Variants in RB1 observed in about 807,000 individuals in gnomAD.
RB1 encodes the protein RB transcriptional corepressor 1.
In RB1, 18 loss-of-function variants were observed where a neutral mutation model predicts 135.4. That is an observed-to-expected ratio of 0.13 (90% CI 0.09 to 0.20). The LOEUF (loss-of-function observed/expected upper bound fraction) is 0.20. Among genes scored for constraint, RB1 ranks in the 10% least tolerant of loss-of-function variants. The probability of loss-of-function intolerance (pLI) is 1.00; values close to 1 mark genes in which losing one functional copy is unlikely to be tolerated. For missense variants in RB1, 868 were observed against 1,110.0 expected, an observed-to-expected ratio of 0.78 and a Z score of 3.10; for synonymous variants, 365 against 373.2, an observed-to-expected ratio of 0.98 and a Z score of 0.25.
At chr13:48,434,378 A>G (rs1365799243) in intron 17 of RB1, among the ~76,000 whole-genome samples, 1 of 152,172 alleles carries the variant, frequency 6.6e-6, no homozygotes, top group African/African-American at 2.4e-5. Context: ...TAACAGATAG[A>G]TTATTTCAAT....
At chr13:48,402,814 C>T (rs1948705214) in intron 17 of RB1, among the ~76,000 whole-genome samples, 2 of 151,772 alleles carry the variant, frequency 1.3e-5, no homozygotes, top group South Asian at 4.2e-4. Context: ...CTTATGAGAC[C>T]ACAACATAAA....
chr13:48,322,115 C>G (rs1952247396), intron 2 of RB1, among the ~76,000 whole-genome samples: 1 of 152,000 alleles, frequency 6.6e-6, no homozygotes, highest in South Asian at 2.1e-4. Flanking sequence ...GGTGACACCC[C>G]CTATTTTTTA....
intron 23 of RB1, among the ~76,000 whole-genome samples, chr13:48,465,996 TGCCCAG>T (rs1949440705): frequency 6.9e-6 from 1 of 145,352 alleles, no homozygotes; most frequent in Admixed American, 6.9e-5. Context: ...CGCCTGCCAT[TGCCCAG>T]GCTTGCTTAG....
intron 17 of RB1, chr13:48,412,923 A>G (rs1355989591): frequency 5.9e-6 from 1 of 169,482 alleles, no homozygotes; most frequent in Non-Finnish European, 1.4e-5. Context: ...AACATTCCCA[A>G]TTTGTCCCAT....
chr13:48,357,213 G>C (rs1413690395), intron 6 of RB1, among the ~76,000 whole-genome samples: 1 of 150,762 alleles, frequency 6.6e-6, no homozygotes, highest in African/African-American at 2.4e-5. Flanking sequence ...ATTGTATTTT[G>C]GGAACATTTT....
At chr13:48,453,186 A>G (rs1341385638) in intron 18 of RB1, 75 bp downstream of exon 18, 32 of 1,364,940 alleles carry the variant, frequency 2.3e-5, no homozygotes, top group Middle Eastern at 3.6e-4. Flanking sequence ...GTAACATTCT[A>G]TAAAGAAACT....
intron 17 of RB1, among the ~76,000 whole-genome samples, chr13:48,424,782 G>A (rs1228941583): frequency 1.3e-5 from 2 of 152,280 alleles, no homozygotes; most frequent in Non-Finnish European, 1.5e-5. Context: ...GCCATGTGTG[G>A]TGGCTCATGC....
In RB1 at chr13:48,473,304, T is replaced by C. The variant is rs1949483709; in HGVS notation, c.2490-56T>C. On this transcript the variant is annotated intron_variant, in intron 23 of 26. Transcript: ENST00000267163. ...AGAATGATGTATTTATGCTCATCTC[T>C]GCAAAATTGTATATGGTTTTTTATT... is the stretch of plus-strand genomic sequence containing the variant. 1 of 1,427,210 alleles carries C rather than the reference T, an allele frequency of 7.0e-7. No homozygotes were observed. Among genetic ancestry groups the C allele is most frequent in the Admixed American group, 1.7e-5 (1 of 59,292 alleles). 88.4% of individuals were successfully genotyped at this position (1,427,210 alleles called of 1,614,324 possible).
rs116498789 is a variant in RB1, at chr13:48,319,205, T to G, written c.264+11799T>G. 3,248 of 691,598 alleles carry G rather than the reference T, an allele frequency of 4.7e-3. 50 individuals are homozygous for G. The highest frequency in any genetic ancestry group is 0.037 in the African/African-American group (2,034 of 54,438). 42.8% of individuals were successfully genotyped at this position (691,598 alleles called of 1,614,324 possible). On this transcript the variant is annotated intron_variant, in intron 2 of 26. Coordinates refer to ENST00000267163, the MANE Select transcript of RB1 (RefSeq NM_000321.3). This position sits in a 1 kb window ranked among gnomAD's most constrained non-coding sequence, Gnocchi z 5.0. The stretch of plus-strand genomic sequence containing the variant: ...AAGGGTCTGTGGCCTTGGTGGCCAC[T>G]GGCTTCCTCTAGCTGGGTGTTTTCC...
chr13:48,328,717 CCTTT>C (rs1304900752), intron 2 of RB1, among the ~76,000 whole-genome samples: 4 of 152,210 alleles, frequency 2.6e-5, no homozygotes, highest in African/African-American at 9.7e-5. Context: ...TAAGTCTTGT[CCTTT>C]CTGTCAGAAA....
At chr13:48,343,333 C>T (rs1287478502) in intron 3 of RB1, among the ~76,000 whole-genome samples, 2 of 152,014 alleles carry the variant, frequency 1.3e-5, no homozygotes, top group Non-Finnish European at 2.9e-5. Flanking sequence ...TACAAAAATG[C>T]AACAGTATGT....
intron 26 of RB1, among the ~76,000 whole-genome samples, chr13:48,479,664 T>A (rs1001350318): frequency 6.6e-6 from 1 of 152,182 alleles, no homozygotes; most frequent in Non-Finnish European, 1.5e-5. Flanking sequence ...AATTTTTTTT[T>A]TAATTGATAT....
At chr13:48,338,954 C>G (rs1349160027) in intron 2 of RB1, among the ~76,000 whole-genome samples, 1 of 152,154 alleles carries the variant, frequency 6.6e-6, no homozygotes, top group Non-Finnish European at 1.5e-5. Context: ...ACCCTGTTTG[C>G]CTGGGTATCA....
At chr13:48,386,361 G>C (rs1293922821) in intron 17 of RB1, among the ~76,000 whole-genome samples, 1 of 26,082 alleles carries the variant, frequency 3.8e-5, no homozygotes, top group Admixed American at 4.7e-4. Context: ...AGACCTGTAT[G>C]GTATTTTTTT....
chr13:48,456,193 A>T lies in RB1; in HGVS notation c.1815-11A>T. 6.2e-7 allele frequency: 1 copy of T among 1,613,868 alleles called. No homozygotes were observed. Among genetic ancestry groups the T allele is most frequent in the South Asian group, 1.1e-5 (1 of 91,034 alleles). On this transcript the variant is annotated splice_polypyrimidine_tract_variant and intron_variant, in intron 18 of 26. Transcript: ENST00000267163. ...ACTTGAAATGAAGACTTTTCCTTTAAATATATCTAGGTATCTTTCTCCTGT... is the reference window on the plus strand; with the variant it reads ...ACTTGAAATGAAGACTTTTCCTTTATATATATCTAGGTATCTTTCTCCTGT...
intron 2 of RB1, among the ~76,000 whole-genome samples, chr13:48,333,528 G>A (rs1395786085): frequency 6.6e-6 from 1 of 152,066 alleles, no homozygotes; most frequent in African/African-American, 2.4e-5. Flanking sequence ...GTTCTAGGTA[G>A]GTTATGTATC....
chr13:48,406,699 A>G (rs947084072), intron 17 of RB1: 1 of 152,182 alleles, frequency 6.6e-6, no homozygotes, highest in African/African-American at 2.4e-5. Flanking sequence ...TCTCTCCCAC[A>G]GGGCCTTTGC....
At chr13:48,310,781 C>T (rs1172106157) in intron 2 of RB1, among the ~76,000 whole-genome samples, 2 of 151,990 alleles carry the variant, frequency 1.3e-5, no homozygotes, top group Non-Finnish European at 2.9e-5. Context: ...TTTATGCATA[C>T]ATGAAAGCAT....
At chr13:48,422,138 C>T (rs1949015453) in intron 17 of RB1, among the ~76,000 whole-genome samples, 1 of 151,982 alleles carries the variant, frequency 6.6e-6, no homozygotes, top group Non-Finnish European at 1.5e-5. Flanking sequence ...CAATGATAGA[C>T]AGGATAAAGA....
Sources: allele counts gnomAD v4.1 joint callset (sites outside exome capture counted in the v4.1 genomes callset), GRCh38; gene constraint gnomAD v4.1.1; non-coding constraint Gnocchi (gnomAD v3.1); transcripts MANE v1.5; gene names NCBI Gene and HGNC (gene_info 2026-07-23, HGNC 2026-07-21).